The following DNAJC10 variants were observed in gnomAD, a reference collection of about 807,000 sequenced individuals.
DNAJC10 encodes the protein endoplasmic reticulum disulfide reductase DNAJC10.
DNAJC10 carries 101 observed loss-of-function variants against 115.0 expected under a neutral mutation model. That is an observed-to-expected ratio of 0.88 (90% confidence interval 0.75 to 1.04). DNAJC10 has a LOEUF of 1.04. Ranked by LOEUF, DNAJC10 falls within the 50% of genes least tolerant of loss-of-function variation. The pLI is 0.00. For synonymous variants in DNAJC10, 307 were observed against 301.5 expected (o/e 1.02, Z -0.19); for missense variants, 981 against 928.8 (o/e 1.06, Z -0.73).
intron 23 of DNAJC10, among the ~76,000 whole-genome samples, chr2:182,776,395 T>G (rs1243797674): frequency 6.6e-6 from 1 of 152,316 alleles, no homozygotes; most frequent in Admixed American, 6.5e-5. Context: ...TTTACCTTTT[T>G]CAAATCGGTG....
intron 22 of DNAJC10, among the ~76,000 whole-genome samples, chr2:182,766,767 G>A (rs554213984): frequency 2.4e-4 from 37 of 152,168 alleles, no homozygotes; most frequent in African/African-American, 7.9e-4. Context: ...TTGAGGAGAC[G>A]CAGCCACCTA....
At chr2:182,746,704 T>C (rs1279491406) in intron 14 of DNAJC10, among the ~76,000 whole-genome samples, 1 of 152,194 alleles carries the variant, frequency 6.6e-6, no homozygotes. Flanking sequence ...GATGGTACTT[T>C]CTTTTGCTGT....
Position 182,754,909 on chromosome 2 carries a change from C to A in DNAJC10, c.1552-94C>A, listed in dbSNP as rs550418390. 1.5e-5 allele frequency: 19 copies of A among 1,286,142 alleles called. No individual in the cohort carries two copies. The African/African-American group carries it at 2.9e-4, about 19-fold the overall frequency. 79.7% of individuals were successfully genotyped at this position (1,286,142 alleles called of 1,614,324 possible). A position where few individuals can be genotyped will look rare whatever the true frequency, so the allele number is the denominator to read the frequency against. ...AAATTTAGAAATGGGTTTTTAAAAT[C>A]TTGTTCTTGTTACTTAAAGGCAAAC... is the stretch of plus-strand genomic sequence containing the variant. On this transcript the variant is annotated intron_variant, in intron 16 of 23. Transcript: ENST00000264065.
intron 18 of DNAJC10, among the ~76,000 whole-genome samples, 195 bp from the exon 19 acceptor site, chr2:182,757,488 TTAGTAAGTA>T (rs1694186600): frequency 6.6e-6 from 1 of 152,210 alleles, no homozygotes; most frequent in African/African-American, 2.4e-5. Context: ...TGCAATAATT[TTAGTAAGTA>T]CTTAATTACA....
At chr2:182,776,987 G>A (rs1028497467) in intron 23 of DNAJC10, 134 bp from the exon 24 acceptor site, 8 of 526,840 alleles carry the variant, frequency 1.5e-5, no homozygotes, top group Admixed American at 1.2e-4. Context: ...TATATTTCAT[G>A]TCATGATCCA....
In DNAJC10 at chr2:182,741,225, T is replaced by G. The variant is rs369328860; in HGVS notation, c.1078-18T>G. 2.0e-6 allele frequency: 3 copies of G among 1,530,454 alleles called. No homozygotes were observed. The African/African-American group carries it at 4.2e-5, about 21-fold the overall frequency. 94.8% of individuals were successfully genotyped at this position (1,530,454 alleles called of 1,614,324 possible). Reference sequence around the variant, plus strand: ...AATTTCCCATCTCTGACATTTTGTTTTCTTTATCACTTTTAAGGATCGTTT... The same window carrying G: ...AATTTCCCATCTCTGACATTTTGTTGTCTTTATCACTTTTAAGGATCGTTT... On this transcript the variant is annotated intron_variant, in intron 12 of 23. Transcript: ENST00000264065.
At position 182,757,833 on chromosome 2, in the gene DNAJC10, TTC is replaced by T. The variant is rs762372325; in HGVS notation, c.1943+13_1943+14del. 9.3e-5 allele frequency: 128 copies of T among 1,369,562 alleles called. No individual in the cohort carries two copies. Among genetic ancestry groups the T allele is most frequent in the Non-Finnish European group, 1.3e-4 (128 of 981,658 alleles). The allele number at this position is 1,369,562 out of a possible 1,614,324, so 84.8% of individuals were successfully genotyped here. On this transcript the variant is annotated intron_variant, in intron 19 of 23. Coordinates refer to ENST00000264065, the MANE Select transcript of DNAJC10 (RefSeq NM_018981.4). ...TAAAGCTTATCATTATCAGTAAGTATTCTCTCATATTTGAAGACATTTATTAT... is the reference window on the plus strand; with the variant it reads ...TAAAGCTTATCATTATCAGTAAGTATTCTCATATTTGAAGACATTTATTAT...
chr2:182,763,585 C>T (rs956926543), intron 22 of DNAJC10, among the ~76,000 whole-genome samples: 6 of 152,100 alleles, frequency 3.9e-5, no homozygotes, highest in African/African-American at 1.2e-4. Flanking sequence ...CTGTTTTTAG[C>T]GTTCCTTATC....
chr2:182,733,625 GTAT>G (rs1693506525), intron 10 of DNAJC10, among the ~76,000 whole-genome samples: 1 of 149,964 alleles, frequency 6.7e-6, no homozygotes. Flanking sequence ...GTGTTGGAAA[GTAT>G]TATCTCTTTT....
chr2:182,720,132 C>G lies in DNAJC10; in HGVS notation c.330C>G (p.Gly110=). Residue 110 remains glycine (G), a synonymous_variant, in exon 4 of 24, where the codon GGC becomes GGG. Transcript: ENST00000264065. ...AGGGACTTGAGGATAATCAAGGTGG[C>G]CAGTATGAAAGCTGGAACTATTATC... The part of the protein sequence containing the change: ...GEKGLEDNQG[G]QYESWNYYRY... 3 of 1,610,312 alleles carry G rather than the reference C, an allele frequency of 1.9e-6. No homozygotes were observed. Among genetic ancestry groups the G allele is most frequent in the Non-Finnish European group, 2.5e-6 (3 of 1,178,516 alleles).
At chr2:182,759,407 G>A (rs1297050930) in intron 21 of DNAJC10, 100 bp downstream of exon 21, 1 of 1,142,516 alleles carries the variant, frequency 8.8e-7, no homozygotes, top group East Asian at 2.6e-5. Context: ...TTTCTTAAAT[G>A]TTTCCTCTGA....
rs909869308 is a variant in DNAJC10, at chr2:182,716,357, G to A, written c.-330G>A. On this transcript the variant is annotated 5_prime_UTR_variant, in exon 1 of 24. Coordinates refer to ENST00000264065, the MANE Select transcript of DNAJC10 (RefSeq NM_018981.4). ...GCACCTCACCAATCCCGTGCGCCGC[G>A]GCTGGGCCGTCGGAGAGTGCGTGTG... is the stretch of plus-strand genomic sequence containing the variant. 1.3e-5 allele frequency: 2 copies of A among 152,300 alleles called. No individual in the cohort carries two copies. The highest frequency in any genetic ancestry group is 2.4e-5 in the African/African-American group (1 of 41,460). 9.4% of individuals were successfully genotyped at this position (152,300 alleles called of 1,614,324 possible).
chr2:182,741,333 C>G lies in DNAJC10; in HGVS notation c.1168C>G (p.Leu390Val). 5.7e-6 allele frequency: 9 copies of G among 1,579,854 alleles called. No individual in the cohort carries two copies. The highest frequency in any genetic ancestry group is 7.8e-6 in the Non-Finnish European group (9 of 1,157,938). ...TCCTGAGCTGAAAAAACTAAAAACT[C>G]TACTTAAAAATGATCATATTCAAGT... ...NDPELKKLKT[L>V]LKNDHIQVGR... The change falls in exon 13 of 24, where the codon CTA becomes GTA. Residue 390 changes from leucine (L) to valine (V), a missense_variant. Transcript: ENST00000264065.
chr2:182,726,411 T>A (rs569167584), intron 5 of DNAJC10, among the ~76,000 whole-genome samples: 133 of 152,278 alleles, frequency 8.7e-4, no homozygotes, highest in African/African-American at 3.1e-3. Context: ...TAAACAATGT[T>A]GATATGACAA....
intron 22 of DNAJC10, among the ~76,000 whole-genome samples, chr2:182,767,965 C>G (rs773781313): frequency 1.2e-4 from 18 of 152,096 alleles, no homozygotes; most frequent in Admixed American, 5.2e-4. Flanking sequence ...ATGCCCCAAC[C>G]TCAAATGCCA....
rs147955686 is a variant in DNAJC10, at chr2:182,745,065, C to T, written c.1306+1353C>T. Among the ~76,000 whole-genome samples the T allele has an allele frequency of 3.3e-5, 5 of 152,256 alleles. No individual in the cohort carries two copies. The East Asian group carries it at 9.6e-4, about 29-fold the overall frequency. On this transcript the variant is annotated intron_variant, in intron 14 of 23. Transcript: ENST00000264065. Reference sequence around the variant, plus strand: ...CCTTGTTGTGTTTGCAGTTATTACCCATTCTTGTGTCACTTTTCTGCCTTG... The same window carrying T: ...CCTTGTTGTGTTTGCAGTTATTACCTATTCTTGTGTCACTTTTCTGCCTTG...
chr2:182,776,108 T>C (rs1694697385), intron 23 of DNAJC10, among the ~76,000 whole-genome samples: 1 of 152,114 alleles, frequency 6.6e-6, no homozygotes, highest in Non-Finnish European at 1.5e-5. Flanking sequence ...GGGAATTTTA[T>C]GGTATGTGAA....
At chr2:182,735,762 A>G (rs1479272509) in intron 10 of DNAJC10, among the ~76,000 whole-genome samples, 1 of 152,124 alleles carries the variant, frequency 6.6e-6, no homozygotes, top group Non-Finnish European at 1.5e-5. Flanking sequence ...GAGCTCACTA[A>G]AGGATTAGCT....
At chr2:182,770,617 A>AT (rs1292589608) in intron 22 of DNAJC10, among the ~76,000 whole-genome samples, 4 of 147,144 alleles carry the variant, frequency 2.7e-5, no homozygotes, top group Admixed American at 6.8e-5. Flanking sequence ...CTCTCTGTTG[A>AT]TGGTGTATAG....
Sources: gnomAD v4.1 joint callset for allele counts (sites outside exome capture counted in the v4.1 genomes callset) on GRCh38, gnomAD v4.1.1 for gene constraint, MANE v1.5 for transcripts, NCBI Gene and HGNC (gene_info 2026-07-23, HGNC 2026-07-21) for gene names.